The following WBP2 variants were observed in gnomAD, a reference collection of about 807,000 sequenced individuals.
The protein encoded by WBP2 is WW domain binding protein 2.
In WBP2, 23 loss-of-function variants were observed where a neutral mutation model predicts 33.0. The observed-to-expected ratio is 0.70, with a 90% CI of 0.50 to 0.99. The LOEUF is 0.99. WBP2 is among the 50% of genes least tolerant of loss of function. The pLI, the probability that WBP2 is intolerant of heterozygous loss-of-function variation, is 0.00. For synonymous variants in WBP2, 153 were observed against 133.5 expected (o/e 1.15, Z -1.01); for missense variants, 353 against 358.0 (o/e 0.99, Z 0.11).
intron 6 of WBP2, 31 bp downstream of exon 6, chr17:75,847,456 C>G: frequency 6.3e-7 from 1 of 1,577,860 alleles, no homozygotes; most frequent in South Asian, 1.2e-5. Flanking sequence ...GGGCTGGTCC[C>G]GAAGGGCTGC....
intron 5 of WBP2, 60 bp downstream of exon 5, chr17:75,847,736 G>A (rs969290755): frequency 2.6e-6 from 4 of 1,526,438 alleles, no homozygotes; most frequent in East Asian, 2.4e-5. Flanking sequence ...TCCCTGGCCT[G>A]GGGGGAGCCT....
upstream of WBP2, among the ~76,000 whole-genome samples, chr17:75,855,915 C>T (rs2065056085): frequency 6.6e-6 from 1 of 152,244 alleles, no homozygotes; most frequent in Admixed American, 6.5e-5. Context: ...GATCACCCCG[C>T]CATCCATCTC....
chr17:75,853,676 G>C (rs1205962591), intron 1 of WBP2, among the ~76,000 whole-genome samples: 1 of 152,114 alleles, frequency 6.6e-6, no homozygotes, highest in African/African-American at 2.4e-5. Context: ...ACACGGTTCT[G>C]TTTGTCTTCT....
In WBP2 at chr17:75,847,569, T is replaced by A; in HGVS notation, c.573A>T (p.Gly191=). 1 of 1,608,600 alleles carries A rather than the reference T, an allele frequency of 6.2e-7. No individual in the cohort carries two copies. The highest frequency in any genetic ancestry group is 8.5e-7 in the Non-Finnish European group (1 of 1,177,082). ...AGGGCGGTGGTGGGGGCTGCACGTATCCCATGGCCCCGTCCATCATGGGGG... is the reference window on the plus strand; with the variant it reads ...AGGGCGGTGGTGGGGGCTGCACGTAACCCATGGCCCCGTCCATCATGGGGG... ...PGPPMMDGAM[G]YVQPPPPPYP... The change falls in exon 6 of 8, where the codon GGA becomes GGT. Residue 191 remains glycine (G), a synonymous_variant. Coordinates refer to ENST00000254806, the MANE Select transcript of WBP2 (RefSeq NM_012478.4).
intron 1 of WBP2, 80 bp downstream of exon 1, chr17:75,855,159 T>TGCCCCCCCC: frequency 3.1e-6 from 3 of 964,064 alleles, no homozygotes; most frequent in African/African-American, 2.0e-5. Context: ...AGGGGCTTAT[T>TGCCCCCCCC]CCCCACCACC....
intron 1 of WBP2, 121 bp from the exon 2 acceptor site, chr17:75,851,797 T>G (rs1043560203): frequency 1.4e-5 from 10 of 728,702 alleles, no homozygotes; most frequent in Admixed American, 3.9e-5. Flanking sequence ...CTCTCAATAG[T>G]GCGGCATTAA....
chr17:75,848,678 CA>C lies in WBP2; in HGVS notation c.305-17del. The stretch of plus-strand genomic sequence containing the variant: ...TCCCAGCCACCTGAAAGGGGAAGGA[CA>C]GTGAATAAACAGCACAGGAAAAGAA... On this transcript the variant is annotated splice_polypyrimidine_tract_variant and intron_variant, in intron 3 of 7. Coordinates refer to ENST00000254806, the MANE Select transcript of WBP2 (RefSeq NM_012478.4). The C allele has an allele frequency of 6.2e-7, 1 of 1,605,698 alleles. No homozygotes were observed. The highest frequency in any genetic ancestry group is 1.1e-5 in the South Asian group (1 of 90,428).
intron 1 of WBP2, among the ~76,000 whole-genome samples, chr17:75,854,197 C>T (rs1162203257): frequency 6.6e-6 from 1 of 152,070 alleles, no homozygotes; most frequent in Non-Finnish European, 1.5e-5. Context: ...TTTCCTCTGA[C>T]TCATCAAACA....
chr17:75,846,436 G>A lies in WBP2; in HGVS notation c.*298C>T, dbSNP rs922629367. On this transcript the variant is annotated 3_prime_UTR_variant, in exon 8 of 8. Coordinates refer to ENST00000254806, the MANE Select transcript of WBP2 (RefSeq NM_012478.4). The surrounding 1 kb of genome is among the most constrained non-coding windows in gnomAD (Gnocchi z 4.8). ...GGAGGTGGCCAGAGAGTCCCTTCGA[G>A]GGGAGAAGCTGAGAGTGAAACAGGA... 4 of 471,428 alleles carry A rather than the reference G, an allele frequency of 8.5e-6. No individual in the cohort carries two copies. Among genetic ancestry groups the A allele is most frequent in the South Asian group, 6.6e-5 (3 of 45,356 alleles). The allele number at this position is 471,428 out of a possible 1,614,324, so 29.2% of individuals were successfully genotyped here.
intron 4 of WBP2, 93 bp from the exon 5 acceptor site, chr17:75,848,023 T>C: frequency 6.7e-7 from 1 of 1,483,368 alleles, no homozygotes; most frequent in South Asian, 1.2e-5. Context: ...CTACTGGGTC[T>C]CAGGAATGTG....
intron 1 of WBP2, among the ~76,000 whole-genome samples, chr17:75,854,252 A>G (rs2065044812): frequency 6.6e-6 from 1 of 152,220 alleles, no homozygotes; most frequent in East Asian, 1.9e-4. Context: ...AGCTGGGTAC[A>G]GGGCTCTGAC....
chr17:75,848,165 A>C (rs2065006670), intron 4 of WBP2: 1 of 619,350 alleles, frequency 1.6e-6, no homozygotes, highest in Non-Finnish European at 2.8e-6. Context: ...GCAAGGCTGG[A>C]GGGTGGACAG....
chr17:75,846,489 A>T lies in WBP2; in HGVS notation c.*245T>A, dbSNP rs2064992302. The T allele has an allele frequency of 3.5e-6, 2 of 570,306 alleles. No individual in the cohort carries two copies. Among genetic ancestry groups the T allele is most frequent in the Non-Finnish European group, 3.1e-6 (1 of 320,356 alleles). 35.3% of individuals were successfully genotyped at this position (570,306 alleles called of 1,614,324 possible). The stretch of plus-strand genomic sequence containing the variant: ...AGGGGATGCTCCGTGCTCCCAGAAG[A>T]GCCCCAGACGGTGAGGGAGGTACGC... On this transcript the variant is annotated 3_prime_UTR_variant, in exon 8 of 8. Transcript: ENST00000254806. The surrounding 1 kb of genome is among the most constrained non-coding windows in gnomAD (Gnocchi z 4.8).
chr17:75,847,749 G>C (rs2065003311), intron 5 of WBP2, 47 bp downstream of exon 5: 2 of 1,537,344 alleles, frequency 1.3e-6, no homozygotes. Flanking sequence ...GGGAGCCTGG[G>C]TAGGTGGGCT....
upstream of WBP2, among the ~76,000 whole-genome samples, chr17:75,856,100 G>T (rs1170723793): frequency 2.0e-5 from 3 of 152,252 alleles, no homozygotes; most frequent in South Asian, 6.2e-4. Context: ...GTCCCGGCCG[G>T]AAGACTGAAG....
intron 1 of WBP2, among the ~76,000 whole-genome samples, chr17:75,854,266 A>T (rs1289555154): frequency 1.3e-5 from 2 of 152,086 alleles, no homozygotes; most frequent in Non-Finnish European, 2.9e-5. Flanking sequence ...CTCTGACTCC[A>T]CGATGTCTCC....
At chr17:75,850,250 CT>C (rs777399596) in intron 2 of WBP2, among the ~76,000 whole-genome samples, 163 of 110,690 alleles carry the variant, frequency 1.5e-3, no homozygotes, top group East Asian at 3.8e-3. Flanking sequence ...CTTTTCTTTT[CT>C]TTTTTTTTTT....
intron 1 of WBP2, among the ~76,000 whole-genome samples, chr17:75,854,096 AAAG>A (rs943529777): frequency 6.6e-6 from 1 of 151,634 alleles, no homozygotes; most frequent in African/African-American, 2.4e-5. Context: ...TGCTCAGAGA[AAAG>A]AAGGAATTAC....
chr17:75,852,923 C>T, intron 1 of WBP2: 8 of 358,154 alleles, frequency 2.2e-5, no homozygotes, highest in Non-Finnish European at 3.1e-5. Flanking sequence ...GCAGGAAAGT[C>T]CATGAAGCCC....
Sources: gnomAD v4.1 joint callset for allele counts (sites outside exome capture counted in the v4.1 genomes callset) on GRCh38, gnomAD v4.1.1 for gene constraint, Gnocchi (gnomAD v3.1) non-coding constraint, MANE v1.5 for transcripts, NCBI Gene and HGNC (gene_info 2026-07-23, HGNC 2026-07-21) for gene names.